The following CACUL1 variants were observed in gnomAD, a reference collection of about 807,000 sequenced individuals.
CACUL1 encodes the protein CDK2 associated cullin domain 1.
A neutral mutation model predicts 45.2 loss-of-function variants in CACUL1; 13 were observed. The ratio of observed to expected loss-of-function variants is 0.29; its 90% CI spans 0.19 to 0.46. The LOEUF (loss-of-function observed/expected upper bound fraction) is 0.46, where lower values mean the gene tolerates loss of function less well. Ranked by LOEUF, CACUL1 falls within the 20% of genes least tolerant of loss-of-function variation. The probability of loss-of-function intolerance (pLI) is 1.00; values close to 1 mark genes in which losing one functional copy is unlikely to be tolerated. For synonymous variants in CACUL1, 197 were observed against 174.2 expected (o/e 1.13, Z -1.03); for missense variants, 421 against 471.4 (o/e 0.89, Z 0.99).
intron 1 of CACUL1, among the ~76,000 whole-genome samples, chr10:118,751,793 TGTAA>T (rs1265098344): frequency 6.6e-6 from 1 of 152,234 alleles, no homozygotes; most frequent in African/African-American, 2.4e-5. Context: ...TTAGTATTCT[TGTAA>T]GTAATTTGAT....
chr10:118,740,229 T>C (rs145792927), intron 1 of CACUL1, among the ~76,000 whole-genome samples: 1 of 152,286 alleles, frequency 6.6e-6, no homozygotes, highest in East Asian at 1.9e-4. Flanking sequence ...CAACATTCTA[T>C]GTAAAATAAA....
chr10:118,723,473 T>C (rs1207799633), intron 3 of CACUL1, among the ~76,000 whole-genome samples: 5 of 152,212 alleles, frequency 3.3e-5, no homozygotes, highest in Non-Finnish European at 7.3e-5. Context: ...TTTTCCCTTC[T>C]TCATTCCTAC....
chr10:118,691,310 T>C lies in CACUL1; in HGVS notation c.980A>G (p.Gln327Arg). Reference protein sequence around the residue: ...VESELSEYAAQDQKFQRELIQ... With the variant: ...VESELSEYAARDQKFQRELIQ... ...AAGTTCTCTTTGAAATTTCTGATCT[T>C]GAGCAGCATATTCAGAAAGTTCAGA... The change falls in exon 7 of 9, where the codon CAA (glutamine) becomes CGA (arginine). Residue 327 changes from glutamine (Q) to arginine (R), a missense_variant. Gln to Arg is a conservative substitution (Grantham distance 43). Around this residue, in one of 2 missense-constraint regions of CACUL1, gnomAD observed 208 missense variants for 298.4 expected, o/e 0.70. Coordinates refer to ENST00000369151, the MANE Select transcript of CACUL1 (RefSeq NM_153810.5). The C allele has an allele frequency of 6.2e-7, 1 of 1,613,726 alleles. No homozygotes were observed. Among genetic ancestry groups the C allele is most frequent in the Non-Finnish European group, 8.5e-7 (1 of 1,179,724 alleles).
chr10:118,687,702 C>A (rs1405533836), intron 7 of CACUL1, among the ~76,000 whole-genome samples: 1 of 152,230 alleles, frequency 6.6e-6, no homozygotes, highest in Non-Finnish European at 1.5e-5. Context: ...TACTCTCCCA[C>A]CTCACTTTCC....
At chr10:118,753,986 G>A (rs1845925788) in intron 1 of CACUL1, among the ~76,000 whole-genome samples, 1 of 152,236 alleles carries the variant, frequency 6.6e-6, no homozygotes, top group South Asian at 2.1e-4. Flanking sequence ...CTCTCTGGCT[G>A]CAGAAGACTG....
At chr10:118,703,830 T>C (rs1377653857) in intron 4 of CACUL1, among the ~76,000 whole-genome samples, 1 of 151,532 alleles carries the variant, frequency 6.6e-6, no homozygotes, top group African/African-American at 2.4e-5. Flanking sequence ...ATGTTTATAA[T>C]CTTTTTTTTC....
intron 3 of CACUL1, among the ~76,000 whole-genome samples, chr10:118,727,818 C>T (rs1164029519): frequency 6.6e-6 from 1 of 152,138 alleles, no homozygotes; most frequent in Non-Finnish European, 1.5e-5. Flanking sequence ...GGCAAATGAA[C>T]AGAAGTGTGT....
Position 118,682,240 on chromosome 10 carries a change from C to T in CACUL1, c.*3888G>A, listed in dbSNP as rs1173684426. Reference sequence around the variant, plus strand: ...TAGATGACTAATGTAGGTTGTTTTGCTTTTTAGTTGCAAAGCTTTTCAGTA... The same window carrying T: ...TAGATGACTAATGTAGGTTGTTTTGTTTTTTAGTTGCAAAGCTTTTCAGTA... On this transcript the variant is annotated 3_prime_UTR_variant, in exon 9 of 9. Coordinates refer to ENST00000369151, the MANE Select transcript of CACUL1 (RefSeq NM_153810.5). 1 of 152,150 alleles carries T rather than the reference C, an allele frequency of 6.6e-6. No individual in the cohort carries two copies. The highest frequency in any genetic ancestry group is 1.9e-4 in the East Asian group (1 of 5,208). The allele number at this position is 152,150 out of a possible 1,614,324, so 9.4% of individuals were successfully genotyped here.
At chr10:118,751,421 T>C (rs1845897148) in intron 1 of CACUL1, among the ~76,000 whole-genome samples, 1 of 152,342 alleles carries the variant, frequency 6.6e-6, no homozygotes, top group East Asian at 1.9e-4. Context: ...ATATTAAATT[T>C]ATTTTTTCTC....
At chr10:118,738,380 A>G (rs1261124993) in intron 1 of CACUL1, among the ~76,000 whole-genome samples, 1 of 152,172 alleles carries the variant, frequency 6.6e-6, no homozygotes, top group African/African-American at 2.4e-5. Flanking sequence ...GATTAAGCAG[A>G]AGTCAGCGTA....
intron 1 of CACUL1, among the ~76,000 whole-genome samples, chr10:118,749,058 C>T (rs1845871505): frequency 6.6e-6 from 1 of 152,238 alleles, no homozygotes; most frequent in South Asian, 2.1e-4. Context: ...TGTTCTAACC[C>T]ACTCTTACTC....
chr10:118,728,855 T>A (rs1056876223), intron 3 of CACUL1, among the ~76,000 whole-genome samples: 1 of 152,118 alleles, frequency 6.6e-6, no homozygotes, highest in Non-Finnish European at 1.5e-5. Flanking sequence ...TTACAGGAGG[T>A]TTATCAATAA....
chr10:118,754,899 A>C lies in CACUL1; in HGVS notation c.-137T>G. On this transcript the variant is annotated 5_prime_UTR_variant, in exon 1 of 9. Transcript: ENST00000369151. Reference sequence around the variant, plus strand: ...CGCAGCGGAGAGGGCTGCGGTGCGCAGGGTCTCTCGCTCTCCGCGGGGCCG... The same window carrying C: ...CGCAGCGGAGAGGGCTGCGGTGCGCCGGGTCTCTCGCTCTCCGCGGGGCCG... 1 of 1,245,174 alleles carries C rather than the reference A, an allele frequency of 8.0e-7. No individual in the cohort carries two copies. Among genetic ancestry groups the C allele is most frequent in the Non-Finnish European group, 1.1e-6 (1 of 918,000 alleles). 77.1% of individuals were successfully genotyped at this position (1,245,174 alleles called of 1,614,324 possible).
intron 3 of CACUL1, among the ~76,000 whole-genome samples, chr10:118,712,556 T>C (rs1043005193): frequency 9.8e-4 from 150 of 152,290 alleles, no homozygotes; most frequent in African/African-American, 3.4e-3. Context: ...CGCAGACAAG[T>C]GGAGGAGCAA....
At chr10:118,754,259 G>C (rs1475159605) in intron 1 of CACUL1, 137 bp downstream of exon 1, 2 of 1,305,362 alleles carry the variant, frequency 1.5e-6, no homozygotes, top group East Asian at 2.8e-5. Context: ...AGGAGGCAGG[G>C]AGGCGAAGGC....
intron 3 of CACUL1, among the ~76,000 whole-genome samples, chr10:118,714,218 T>C (rs927174133): frequency 3.3e-5 from 5 of 152,196 alleles, no homozygotes; most frequent in Non-Finnish European, 5.9e-5. Flanking sequence ...TGTACTCTAT[T>C]CCATTAAAAA....
intron 4 of CACUL1, among the ~76,000 whole-genome samples, chr10:118,702,249 C>G (rs1433733418): frequency 3.3e-5 from 5 of 152,206 alleles, no homozygotes; most frequent in Admixed American, 6.5e-5. Context: ...TCTCCCTTCG[C>G]TGATTCTTTT....
chr10:118,711,599 T>C (rs914612988), intron 3 of CACUL1, among the ~76,000 whole-genome samples: 1 of 152,218 alleles, frequency 6.6e-6, no homozygotes, highest in African/African-American at 2.4e-5. Context: ...TGCATTAAAA[T>C]AATGTTGTTT....
rs554027522 is a variant in CACUL1, at chr10:118,677,969, T to C, written c.*8159A>G. 1 of 152,354 alleles carries C rather than the reference T, an allele frequency of 6.6e-6. No individual in the cohort carries two copies. Among genetic ancestry groups the C allele is most frequent in the South Asian group, 2.1e-4 (1 of 4,830 alleles). The allele number at this position is 152,354 out of a possible 1,614,324, so 9.4% of individuals were successfully genotyped here. On this transcript the variant is annotated 3_prime_UTR_variant, in exon 9 of 9. Coordinates refer to ENST00000369151, the MANE Select transcript of CACUL1 (RefSeq NM_153810.5). ...CACGCCAACAACAGGTGAAGGTTTG[T>C]TGTCATAAACTCTCAGATTGTTATT...
Sources: allele counts gnomAD v4.1 joint callset (sites outside exome capture counted in the v4.1 genomes callset), GRCh38; gene constraint gnomAD v4.1.1; regional missense constraint gnomAD v4.1.1; transcripts MANE v1.5; gene names NCBI Gene and HGNC (gene_info 2026-07-23, HGNC 2026-07-21).